PCDH15: variants seen among roughly 807,000 people sequenced by gnomAD.
PCDH15 encodes protocadherin-15.
In PCDH15, 129 loss-of-function variants were observed where a neutral mutation model predicts 178.5. The ratio of observed to expected loss-of-function variants is 0.72; its 90% CI spans 0.63 to 0.84. The LOEUF (loss-of-function observed/expected upper bound fraction) is 0.84. PCDH15 is among the 40% of genes least tolerant of loss of function. The pLI is 0.00. For missense variants in PCDH15, 2,230 were observed against 2,099.9 expected (o/e 1.06, Z -1.21); for synonymous variants, 800 against 732.0 (o/e 1.09, Z -1.50).
intron 17 of PCDH15, among the ~76,000 whole-genome samples, chr10:54,072,410 T>G (rs2094262276): frequency 6.6e-6 from 1 of 152,164 alleles, no homozygotes; most frequent in Admixed American, 6.6e-5. Flanking sequence ...AGGTCCTTCC[T>G]ACCATTAAAG....
At chr10:54,523,317 A>T (rs770721402) in intron 3 of PCDH15, among the ~76,000 whole-genome samples, 46 of 152,222 alleles carry the variant, frequency 3.0e-4, no homozygotes, top group Non-Finnish European at 2.6e-4. Flanking sequence ...GAATTTAACC[A>T]AAAGTAGTGT....
rs11004465 is a variant in PCDH15, at chr10:54,712,406, C to A, written c.-28-48116G>T. The stretch of plus-strand genomic sequence containing the variant: ...AAGACACAACAAGCAGTAGAAGAGA[C>A]ATATGAAGAAATACTACACTGATGG... On this transcript the variant is annotated intron_variant, in intron 1 of 37. Transcript: ENST00000644397. 2.0e-5 allele frequency among the ~76,000 whole-genome samples: 3 copies of A among 151,510 alleles called. No individual in the cohort carries two copies. In the South Asian group the frequency reaches 6.3e-4, roughly 32 times the overall value.
chr10:55,279,277 C>G (rs879870311), intron 1 of PCDH15, among the ~76,000 whole-genome samples: 3 of 152,096 alleles, frequency 2.0e-5, no homozygotes, highest in Non-Finnish European at 4.4e-5. Context: ...GAGGAGTTGT[C>G]AGAAAAACAG....
chr10:55,353,095 T>C lies in PCDH15; in HGVS notation c.-155-186444A>G, dbSNP rs114548650. Reference sequence around the variant, plus strand: ...AGTTTTGCCTCATCTACCATATTCATCTGATGTCTGACCATCCGACTACCA... The same window carrying C: ...AGTTTTGCCTCATCTACCATATTCACCTGATGTCTGACCATCCGACTACCA... On this transcript the variant is annotated intron_variant, in intron 2 of 5. Transcript: ENST00000613346. 5.6e-3 allele frequency among the ~76,000 whole-genome samples: 849 copies of C among 152,252 alleles called. 10 individuals carry two copies. The highest frequency in any genetic ancestry group is 0.02 in the African/African-American group (811 of 41,554).
intron 3 of PCDH15, among the ~76,000 whole-genome samples, chr10:54,501,326 A>C (rs1054279823): frequency 6.6e-6 from 1 of 152,140 alleles, no homozygotes; most frequent in Admixed American, 6.6e-5. Flanking sequence ...GGAATAAAAA[A>C]GATTTGAGAA....
At chr10:55,556,168 G>A (rs973755013) in intron 2 of PCDH15, among the ~76,000 whole-genome samples, 1 of 151,972 alleles carries the variant, frequency 6.6e-6, no homozygotes, top group Non-Finnish European at 1.5e-5. Context: ...GCCTAGTGGT[G>A]TTTATAATTA....
chr10:55,361,486 C>T (rs1481129530), intron 2 of PCDH15, among the ~76,000 whole-genome samples: 2 of 151,914 alleles, frequency 1.3e-5, no homozygotes, highest in African/African-American at 4.8e-5. Flanking sequence ...CTTTTTCTAA[C>T]ATGATTTTTC....
rs748988261 is a variant in PCDH15, at chr10:55,336,124, GAAAAAAAAAAAAA to G, written c.-155-169486_-155-169474del. On this transcript the variant is annotated intron_variant, in intron 2 of 5. Transcript: ENST00000613346. ...CCCAAAATATGGCACCTTGGTATTT[GAAAAAAAAAAAAA>G]AAAAAAAAAAAAAAAAACAGTAGAA... 2.5e-4 allele frequency among the ~76,000 whole-genome samples: 15 copies of G among 59,292 alleles called. No individual in the cohort carries two copies. In the South Asian group the frequency reaches 4.9e-3, roughly 19 times the overall value. 38.9% of individuals were successfully genotyped at this position (59,292 alleles called of 152,430 possible). A position where few individuals can be genotyped will look rare whatever the true frequency, so the allele number is the denominator to read the frequency against.
At chr10:54,782,159 C>G (rs551552113) in intron 1 of PCDH15, among the ~76,000 whole-genome samples, 2 of 152,166 alleles carry the variant, frequency 1.3e-5, no homozygotes, top group African/African-American at 4.8e-5. Context: ...ACTATTGATA[C>G]TCCAATAGCA....
rs769054605 is a variant in PCDH15 at position 54,062,253 on chromosome 10, C to CAAAAAAAAAAAAAA, written c.2220+4503_2220+4504insTTTTTTTTTTTTTT. On this transcript the variant is annotated intron_variant, in intron 18 of 37. Transcript: ENST00000644397. Reference sequence around the variant, plus strand: ...AAAAAAAAAAAAAAAAAAAAAAAAACAAAAAACAACTAAATGAAAACTCCC... The same window carrying CAAAAAAAAAAAAAA: ...AAAAAAAAAAAAAAAAAAAAAAAAACAAAAAAAAAAAAAAAAAAAACAACTAAATGAAAACTCCC... Among the ~76,000 whole-genome samples, 11 of 75,844 alleles carry CAAAAAAAAAAAAAA rather than the reference C, an allele frequency of 1.5e-4. 2 individuals are homozygous for CAAAAAAAAAAAAAA. Among genetic ancestry groups the CAAAAAAAAAAAAAA allele is most frequent in the Non-Finnish European group, 1.5e-4 (6 of 39,460 alleles). The allele number at this position is 75,844 out of a possible 152,430, so 49.8% of individuals were successfully genotyped here.
rs534142964 is a variant in PCDH15, at chr10:55,146,928, C to T, written c.-80+19648G>A. Among the ~76,000 whole-genome samples, 36 of 150,404 alleles carry T rather than the reference C, an allele frequency of 2.4e-4. 1 individual carries two copies. Among genetic ancestry groups the T allele is most frequent in the Admixed American group, 1.5e-3 (23 of 15,036 alleles). The stretch of plus-strand genomic sequence containing the variant: ...GAAGTCACTCTGTGTGTATATGTGG[C>T]GGGGTGGGGGGAAGACCTGGAATGC... On this transcript the variant is annotated intron_variant, in intron 2 of 5. Coordinates refer to the PCDH15 transcript ENST00000458638.
At chr10:54,058,125 C>T (rs889757385) in intron 18 of PCDH15, among the ~76,000 whole-genome samples, 1 of 152,140 alleles carries the variant, frequency 6.6e-6, no homozygotes, top group African/African-American at 2.4e-5. Context: ...CAAACTTTCC[C>T]ACATTTTCCT....
chr10:55,106,804 T>C (rs534509229), intron 2 of PCDH15, among the ~76,000 whole-genome samples: 1 of 152,318 alleles, frequency 6.6e-6, no homozygotes, highest in East Asian at 1.9e-4. Context: ...ATTAAATCTA[T>C]TTCCAATCCA....
At position 53,893,720 on chromosome 10, in the gene PCDH15, T is replaced by C. The variant is rs966593954; in HGVS notation, c.3501+9523A>G. 4.6e-5 allele frequency among the ~76,000 whole-genome samples: 7 copies of C among 152,316 alleles called. No homozygotes were observed. In the South Asian group the frequency reaches 1.2e-3, roughly 27 times the overall value. On this transcript the variant is annotated intron_variant, in intron 26 of 37. Coordinates refer to ENST00000644397, the MANE Select transcript of PCDH15 (RefSeq NM_001384140.1). ...ATGGAAAACCAAATACTGTATGTTC[T>C]CATCTGCAAGTGGGAGCTAAGCTAT... is the stretch of plus-strand genomic sequence containing the variant.
chr10:55,296,879 T>G (rs1263997991), intron 1 of PCDH15, among the ~76,000 whole-genome samples: 1 of 152,170 alleles, frequency 6.6e-6, no homozygotes, highest in Non-Finnish European at 1.5e-5. Context: ...CCTTTGTACC[T>G]CCTTCAAATA....
intron 3 of PCDH15, among the ~76,000 whole-genome samples, chr10:54,811,590 C>G (rs990717480): frequency 6.6e-6 from 1 of 152,144 alleles, no homozygotes; most frequent in South Asian, 2.1e-4. Context: ...CCTGCCTCAG[C>G]CTCCTGAGTC....
At position 54,223,833 on chromosome 10, in the gene PCDH15, T is replaced by A. The variant is rs548267286; in HGVS notation, c.986-9785A>T. Among the ~76,000 whole-genome samples the A allele has an allele frequency of 7.9e-5, 12 of 152,254 alleles. No homozygotes were observed. In the East Asian group the frequency reaches 2.1e-3, roughly 27 times the overall value. On this transcript the variant is annotated intron_variant, in intron 9 of 37. Transcript: ENST00000644397. ...AAATTCCTGTTTCTGCTTCTTAAAA[T>A]GTTATTGTTTTTGACAGTTCCTTGA...
chr10:54,618,604 C>A (rs1391420920), intron 2 of PCDH15, among the ~76,000 whole-genome samples: 3 of 151,942 alleles, frequency 2.0e-5, no homozygotes, highest in South Asian at 4.1e-4. Context: ...GAATAGTAAT[C>A]TCTGTATGTA....
At chr10:54,152,289 A>T (rs1368571116) in intron 14 of PCDH15, among the ~76,000 whole-genome samples, 1 of 152,206 alleles carries the variant, frequency 6.6e-6, no homozygotes, top group Non-Finnish European at 1.5e-5. Context: ...AAACTGATGC[A>T]TGTTGAGTGT....
Sources: allele counts gnomAD v4.1 joint callset (sites outside exome capture counted in the v4.1 genomes callset), GRCh38; gene constraint gnomAD v4.1.1; transcripts MANE v1.5; gene names NCBI Gene and HGNC (gene_info 2026-07-23, HGNC 2026-07-21).